The following AMZ1 variants were observed in gnomAD, a reference collection of about 807,000 sequenced individuals.
The protein encoded by AMZ1 is archaelysin family metallopeptidase 1.
AMZ1 carries 39 observed loss-of-function variants against 29.9 expected under a neutral mutation model. The observed-to-expected ratio is 1.30, with a 90% confidence interval of 1.01 to 1.70. The LOEUF (loss-of-function observed/expected upper bound fraction) is 1.70. Among genes scored for constraint, AMZ1 ranks in the 40% most tolerant of loss-of-function variants. The pLI, the probability that AMZ1 is intolerant of heterozygous loss-of-function variation, is 0.00. For synonymous variants in AMZ1, 458 were observed against 304.0 expected (o/e 1.51, Z -5.27); for missense variants, 1,041 against 680.6 (o/e 1.53, Z -5.89).
At chr7:2,741,246 C>T (rs950328672) in intron 4 of AMZ1, among the ~76,000 whole-genome samples, 6 of 151,936 alleles carry the variant, frequency 3.9e-5, no homozygotes, top group African/African-American at 9.7e-5. Context: ...TCTCAGCTAC[C>T]TGGGAGGCTG....
chr7:2,763,022 C>G (rs1583256664), upstream of AMZ1: 5 of 1,280,702 alleles, frequency 3.9e-6, no homozygotes, highest in East Asian at 1.2e-4. Flanking sequence ...CCGCCGGCCA[C>G]TGGCCCAGGA....
intron 1 of AMZ1, among the ~76,000 whole-genome samples, chr7:2,699,071 T>C (rs1787901110): frequency 6.6e-6 from 1 of 152,076 alleles, no homozygotes; most frequent in African/African-American, 2.4e-5. Flanking sequence ...TATTTGTGCA[T>C]CCCCCTTCTG....
At chr7:2,693,370 C>A (rs547602324) in intron 1 of AMZ1, among the ~76,000 whole-genome samples, 4 of 151,706 alleles carry the variant, frequency 2.6e-5, no homozygotes, top group Admixed American at 6.6e-5. Context: ...TGTGAGCCAC[C>A]GTGCCTGGTT....
chr7:2,751,683 T>C (rs921033654), intron 4 of AMZ1, among the ~76,000 whole-genome samples: 3 of 152,198 alleles, frequency 2.0e-5, no homozygotes, highest in Non-Finnish European at 4.4e-5. Flanking sequence ...GAAAAAGTTA[T>C]ACTATAGCTC....
chr7:2,763,694 T>C (rs144311326), upstream of AMZ1, among the ~76,000 whole-genome samples: 1,182 of 152,346 alleles, frequency 7.8e-3, 15 homozygotes, highest in African/African-American at 0.027. Flanking sequence ...TGAGAAAGCC[T>C]GGGCTTGTCC....
chr7:2,755,880 G>A (rs1791269663), intron 4 of AMZ1, among the ~76,000 whole-genome samples: 1 of 152,162 alleles, frequency 6.6e-6, no homozygotes, highest in Non-Finnish European at 1.5e-5. Context: ...ATTCAACATT[G>A]TTGTTTATGC....
At chr7:2,704,939 T>TAA (rs1788265239) in intron 3 of AMZ1, among the ~76,000 whole-genome samples, 2 of 152,146 alleles carry the variant, frequency 1.3e-5, no homozygotes, top group Non-Finnish European at 2.9e-5. Context: ...TGACACTTCT[T>TAA]TAAGTTCAGC....
At chr7:2,702,615 C>T (rs912440749) in intron 2 of AMZ1, 107 bp from the exon 3 acceptor site, 2 of 1,314,310 alleles carry the variant, frequency 1.5e-6, no homozygotes, top group Non-Finnish European at 2.0e-6. Flanking sequence ...GGTAGGTCCA[C>T]ATTGGCCTTG....
At chr7:2,711,951 G>A (rs762669185) in intron 6 of AMZ1, among the ~76,000 whole-genome samples, 35 of 152,268 alleles carry the variant, frequency 2.3e-4, no homozygotes, top group Non-Finnish European at 4.4e-4. Context: ...GGAGGCCAAC[G>A]CAGGAGAATT....
At chr7:2,699,253 G>A (rs1021349219) in intron 1 of AMZ1, among the ~76,000 whole-genome samples, 7 of 152,156 alleles carry the variant, frequency 4.6e-5, no homozygotes, top group Non-Finnish European at 7.4e-5. Context: ...ACTCTCAGGC[G>A]TGTTCCTAAG....
At position 2,717,196 on chromosome 7, in the gene AMZ1, C is replaced by T. The variant is rs1361582122; in HGVS notation, c.*4318C>T. Among the ~76,000 whole-genome samples, 2 of 152,188 alleles carry T rather than the reference C, an allele frequency of 1.3e-5. No homozygotes were observed. Among genetic ancestry groups the T allele is most frequent in the Admixed American group, 6.5e-5 (1 of 15,286 alleles). On this transcript the variant is annotated 3_prime_UTR_variant, in exon 7 of 7. Transcript: ENST00000683327. ...GGTGAGGTGCCAACGAAAACACCCC[C>T]GTGATTGCTGGGGCTTCACTGATTT...
chr7:2,753,537 T>C (rs1337400144), intron 4 of AMZ1, among the ~76,000 whole-genome samples: 1 of 152,214 alleles, frequency 6.6e-6, no homozygotes, highest in Non-Finnish European at 1.5e-5. Context: ...TTTTTACTGC[T>C]GGGAGAATTC....
Position 2,696,502 on chromosome 7 carries a change from C to G in AMZ1, c.-218-3732C>G, listed in dbSNP as rs531696359. On this transcript the variant is annotated intron_variant, in intron 1 of 6. Coordinates refer to ENST00000683327, the MANE Select transcript of AMZ1 (RefSeq NM_001384743.1). ...TCGATCTCCTGACCTCGTGATCTGC[C>G]CGCCTGGGCCTCCCAAAGTGCTGTG... Among the ~76,000 whole-genome samples the G allele has an allele frequency of 3.2e-4, 48 of 151,042 alleles. 3 individuals carry two copies. The highest frequency in any genetic ancestry group is 2.5e-3 in the Admixed American group (38 of 15,164).
chr7:2,744,331 A>G (rs180942174), intron 4 of AMZ1, among the ~76,000 whole-genome samples: 1,877 of 152,254 alleles, frequency 0.012, 51 homozygotes, highest in African/African-American at 0.043. Context: ...CTTCCAGAGG[A>G]ACGATCAGGC....
At chr7:2,753,656 C>T (rs550032439) in intron 4 of AMZ1, among the ~76,000 whole-genome samples, 1 of 152,254 alleles carries the variant, frequency 6.6e-6, no homozygotes, top group South Asian at 2.1e-4. Flanking sequence ...CATTCATGTA[C>T]AGGTGTGGTG....
chr7:2,709,816 G>C lies in AMZ1; in HGVS notation c.948G>C (p.Gln316His), dbSNP rs752045960. Residue 316 changes from glutamine (Q) to histidine (H), a missense_variant and splice_region_variant, in exon 6 of 7, where the codon CAG becomes CAC. Coordinates refer to ENST00000683327, the MANE Select transcript of AMZ1 (RefSeq NM_001384743.1). ...GTTTCAGGCTCATCGAGAGGTACCA[G>C]GTGAGTGGCTGAGTTGCGCTGCCCG... ...VLGFRLIERY[Q>H]RLYTWTQAVV... The C allele has an allele frequency of 4.3e-6, 7 of 1,611,786 alleles. No homozygotes were observed. In the South Asian group the frequency reaches 6.6e-5, roughly 15 times the overall value.
intron 1 of AMZ1, among the ~76,000 whole-genome samples, chr7:2,695,687 G>T (rs1195255800): frequency 6.6e-6 from 1 of 151,732 alleles, no homozygotes; most frequent in South Asian, 2.1e-4. Flanking sequence ...CTCCAGCCTG[G>T]GCAAAACAGG....
Position 2,731,475 on chromosome 7 carries a change from C to T in AMZ1, n.550+21659C>T. 1 of 1,613,872 alleles carries T rather than the reference C, an allele frequency of 6.2e-7. No individual in the cohort carries two copies. The highest frequency in any genetic ancestry group is 8.5e-7 in the Non-Finnish European group (1 of 1,179,896). ...GAATGATGGAGACGTTGAAGAAGAG[C>T]TTGTTGTTGACGATGGTCTCGAAGA... On this transcript the variant is annotated intron_variant and non_coding_transcript_variant, in intron 4 of 4. Coordinates refer to the AMZ1 transcript ENST00000489665. This position sits in a 1 kb window ranked among gnomAD's most constrained non-coding sequence, Gnocchi z 6.0.
At chr7:2,726,959 C>T (rs1459128731) in intron 4 of AMZ1, among the ~76,000 whole-genome samples, 1 of 152,260 alleles carries the variant, frequency 6.6e-6, no homozygotes, top group Non-Finnish European at 1.5e-5. Flanking sequence ...CCTTCCCCTC[C>T]CAGCTTCTGA....
Sources: allele counts gnomAD v4.1 joint callset (sites outside exome capture counted in the v4.1 genomes callset), GRCh38; gene constraint gnomAD v4.1.1; non-coding constraint Gnocchi (gnomAD v3.1); transcripts MANE v1.5; gene names NCBI Gene and HGNC (gene_info 2026-07-23, HGNC 2026-07-21).